The following MRAP2 variants were observed in gnomAD, a reference collection of about 807,000 sequenced individuals.
MRAP2 encodes melanocortin 2 receptor accessory protein 2.
MRAP2 carries 20 observed loss-of-function variants against 17.4 expected under a neutral mutation model. The ratio of observed to expected loss-of-function variants is 1.15; its 90% confidence interval spans 0.81 to 1.67. MRAP2 has a LOEUF of 1.67. Among genes scored for constraint, MRAP2 ranks in the 40% most tolerant of loss-of-function variants. The pLI is 0.00. For synonymous variants in MRAP2, 96 were observed against 88.4 expected (o/e 1.09, Z -0.48); for missense variants, 238 against 240.0 (o/e 0.99, Z 0.05).
intron 1 of MRAP2, among the ~76,000 whole-genome samples, chr6:84,045,571 T>C (rs1475109065): frequency 6.6e-6 from 1 of 152,142 alleles, no homozygotes; most frequent in Non-Finnish European, 1.5e-5. Flanking sequence ...GAGACCAGCC[T>C]GGCCAACATG....
chr6:84,125,105 C>G, the MRAP2 span: 5 of 1,613,090 alleles, frequency 3.1e-6, no homozygotes, highest in Non-Finnish European at 4.2e-6. Context: ...TCTGCAAAAG[C>G]AACTGGCACA....
chr6:84,074,658 C>A (rs2099497130), intron 3 of MRAP2, among the ~76,000 whole-genome samples: 1 of 152,210 alleles, frequency 6.6e-6, no homozygotes, highest in African/African-American at 2.4e-5. Context: ...CAGACATCAG[C>A]AATGGACTGC....
At chr6:84,057,808 T>TG (rs945548718) in intron 2 of MRAP2, among the ~76,000 whole-genome samples, 3 of 150,730 alleles carry the variant, frequency 2.0e-5, no homozygotes, top group Admixed American at 2.0e-4. Context: ...ATAAATAGAG[T>TG]GGGGGTAAAG....
intron 3 of MRAP2, among the ~76,000 whole-genome samples, chr6:84,064,580 C>G (rs558184401): frequency 6.6e-6 from 1 of 152,052 alleles, no homozygotes; most frequent in African/African-American, 2.4e-5. Flanking sequence ...CTCCGCCTCC[C>G]GGGTTCACGC....
the MRAP2 span, among the ~76,000 whole-genome samples, chr6:84,120,835 CTT>C: frequency 6.6e-6 from 1 of 151,992 alleles, no homozygotes; most frequent in Non-Finnish European, 1.5e-5. Context: ...TTATTTATAA[CTT>C]AAAATTTCTT....
the MRAP2 span, among the ~76,000 whole-genome samples, chr6:84,134,138 G>C: frequency 2.0e-5 from 3 of 152,308 alleles, no homozygotes; most frequent in Non-Finnish European, 1.5e-5. Context: ...CGAACTTCCT[G>C]TAGGCTTTGT....
At chr6:84,054,705 A>G (rs974545154) in intron 1 of MRAP2, among the ~76,000 whole-genome samples, 18 of 152,150 alleles carry the variant, frequency 1.2e-4, no homozygotes, top group African/African-American at 3.4e-4. Context: ...ACTTCTCCTG[A>G]ACATTCTTTC....
At chr6:84,125,169 T>C in the MRAP2 span, 9 of 1,613,622 alleles carry the variant, frequency 5.6e-6, no homozygotes, top group East Asian at 1.1e-4. Flanking sequence ...AGTCTAGTTC[T>C]GTGCGGAACT....
intron 1 of MRAP2, among the ~76,000 whole-genome samples, chr6:84,044,266 C>T (rs1248293845): frequency 6.6e-6 from 1 of 152,164 alleles, no homozygotes; most frequent in Non-Finnish European, 1.5e-5. Context: ...AGCTCACCGC[C>T]ACCTCCGCCT....
At chr6:84,046,773 T>A in intron 1 of MRAP2, among the ~76,000 whole-genome samples, 1 of 90,166 alleles carries the variant, frequency 1.1e-5, no homozygotes, top group Non-Finnish European at 1.9e-5. Context: ...AGAGCGAAAC[T>A]CCATCTCAAA....
the MRAP2 span, among the ~76,000 whole-genome samples, chr6:84,128,007 C>T: frequency 3.0e-3 from 456 of 152,222 alleles, 2 homozygotes; most frequent in African/African-American, 0.01. Context: ...TTTATTAAGC[C>T]TTATATATGT....
chr6:84,058,351 A>G (rs1371553187), intron 2 of MRAP2, among the ~76,000 whole-genome samples: 6 of 152,228 alleles, frequency 3.9e-5, no homozygotes, highest in African/African-American at 1.4e-4. Flanking sequence ...AGATTTGTCA[A>G]TGGATTGGCG....
upstream of MRAP2, chr6:84,033,598 C>T: frequency 6.1e-6 from 5 of 823,322 alleles, no homozygotes; most frequent in Non-Finnish European, 7.3e-6. Flanking sequence ...GCAAAGTGAG[C>T]AGGAAAGGGA....
chr6:84,050,911 C>T (rs1216057316), intron 1 of MRAP2, among the ~76,000 whole-genome samples: 1 of 152,206 alleles, frequency 6.6e-6, no homozygotes, highest in Non-Finnish European at 1.5e-5. Flanking sequence ...ATTTGTGGCA[C>T]TGGCTGGCAG....
chr6:84,123,864 A>C, the MRAP2 span, among the ~76,000 whole-genome samples: 2 of 152,162 alleles, frequency 1.3e-5, no homozygotes, highest in Admixed American at 6.5e-5. Context: ...GAACTAAAAC[A>C]ATAAGAAAAA....
intron 3 of MRAP2, among the ~76,000 whole-genome samples, chr6:84,071,915 G>A (rs2099496294): frequency 1.3e-5 from 2 of 152,064 alleles, no homozygotes; most frequent in Admixed American, 1.3e-4. Context: ...TGTGTCCAAT[G>A]TTTCCTGAAG....
intron 3 of MRAP2, among the ~76,000 whole-genome samples, chr6:84,083,038 G>A (rs1267158441): frequency 1.3e-5 from 2 of 151,824 alleles, no homozygotes; most frequent in Non-Finnish European, 2.9e-5. Context: ...AATTCAGATT[G>A]TGCGACCCGA....
intron 3 of MRAP2, 109 bp downstream of exon 3, chr6:84,063,101 G>A: frequency 6.5e-7 from 1 of 1,537,770 alleles, no homozygotes; most frequent in Non-Finnish European, 8.8e-7. Context: ...AGAAGGGGGT[G>A]GTTATAGATT....
chr6:84,062,449 A>G, intron 2 of MRAP2: 1 of 780,058 alleles, frequency 1.3e-6, no homozygotes, highest in Non-Finnish European at 1.6e-6. Flanking sequence ...CCGGTTCAAG[A>G]ATTTTGTTTT....
Sources: gnomAD v4.1 joint callset for allele counts (sites outside exome capture counted in the v4.1 genomes callset) on GRCh38, gnomAD v4.1.1 for gene constraint, MANE v1.5 for transcripts, NCBI Gene and HGNC (gene_info 2026-07-23, HGNC 2026-07-21) for gene names.